The following CAST variants were observed in gnomAD, a reference collection of about 807,000 sequenced individuals.
CAST encodes MIR583 host.
Under a neutral mutation model 119.6 loss-of-function variants are expected in CAST, and 76 were observed. The observed-to-expected ratio is 0.64, with a 90% CI of 0.53 to 0.77. The LOEUF is 0.77. Ranked by LOEUF, CAST falls within the 30% of genes least tolerant of loss-of-function variation. The pLI, the probability that CAST is intolerant of heterozygous loss-of-function variation, is 0.00. For missense variants in CAST, 953 were observed against 946.5 expected, an observed-to-expected ratio of 1.01 and a Z score of -0.09; for synonymous variants, 319 against 331.6, an observed-to-expected ratio of 0.96 and a Z score of 0.41.
At chr5:96,352,509 G>T in the CAST span, among the ~76,000 whole-genome samples, 1 of 152,148 alleles carries the variant, frequency 6.6e-6, no homozygotes, top group Non-Finnish European at 1.5e-5. Flanking sequence ...TGGCATCCAT[G>T]ATTCAGTGTG....
intron 29 of CAST, chr5:96,768,336 T>C: frequency 2.3e-6 from 1 of 425,922 alleles, no homozygotes; most frequent in South Asian, 1.8e-5. Context: ...TGCCAACCTC[T>C]ACCTCCCAAA....
chr5:96,436,293 A>G, the CAST span, among the ~76,000 whole-genome samples: 1 of 152,226 alleles, frequency 6.6e-6, no homozygotes, highest in Non-Finnish European at 1.5e-5. Flanking sequence ...ACTGGAGGAA[A>G]TTTGAAGACA....
chr5:96,015,737 C>T, the CAST span, among the ~76,000 whole-genome samples: 1 of 152,152 alleles, frequency 6.6e-6, no homozygotes, highest in African/African-American at 2.4e-5. Context: ...ATTTAATCTT[C>T]ACAATAATCC....
chr5:96,489,135 C>T, the CAST span, among the ~76,000 whole-genome samples: 1 of 152,214 alleles, frequency 6.6e-6, no homozygotes, highest in Non-Finnish European at 1.5e-5. Context: ...AGCCATCCAG[C>T]TCTTTGGACA....
chr5:96,234,283 G>C, the CAST span, among the ~76,000 whole-genome samples: 3 of 152,166 alleles, frequency 2.0e-5, no homozygotes, highest in South Asian at 6.2e-4. Flanking sequence ...AGCCTGCTGG[G>C]GCTGGAAGGA....
chr5:96,065,676 G>T, the CAST span, among the ~76,000 whole-genome samples: 1 of 152,086 alleles, frequency 6.6e-6, no homozygotes, highest in African/African-American at 2.4e-5. Flanking sequence ...TATACAAAGT[G>T]GGTTGTCCTC....
At chr5:96,109,641 A>C in the CAST span, among the ~76,000 whole-genome samples, 3 of 152,194 alleles carry the variant, frequency 2.0e-5, no homozygotes, top group Non-Finnish European at 2.9e-5. Flanking sequence ...TGAAGAGTCA[A>C]GAGAGGTGGG....
chr5:96,730,818 T>A lies in CAST; in HGVS notation c.588T>A (p.Ser196Arg), dbSNP rs1396464328. Residue 196 changes from serine to arginine, a missense_variant, in exon 9 of 32, where the codon AGT (serine) becomes AGA (arginine). Transcript: ENST00000675179. ...PQDMISAGGE[S>R]VAGITAISGK... ...ACATGATTTCTGCTGGTGGAGAGAG[T>A]GTTGCTGGTATCACTGCAATATCTG... is the stretch of plus-strand genomic sequence containing the variant. 2 of 1,613,964 alleles carry A rather than the reference T, an allele frequency of 1.2e-6. No homozygotes were observed. The highest frequency in any genetic ancestry group is 3.3e-5 in the Admixed American group (2 of 59,996).
At chr5:96,365,673 C>A in the CAST span, among the ~76,000 whole-genome samples, 1 of 152,086 alleles carries the variant, frequency 6.6e-6, no homozygotes, top group Non-Finnish European at 1.5e-5. Flanking sequence ...TTTCCATTTG[C>A]TTGGAAGATC....
At chr5:96,534,743 A>AAG (rs770870121) in intron 1 of CAST, among the ~76,000 whole-genome samples, 3,967 of 56,458 alleles carry the variant, frequency 0.07, 487 homozygotes, top group East Asian at 0.16. Flanking sequence ...GAGAGAGAGA[A>AAG]AGAAAGAAAG....
intron 16 of CAST, among the ~76,000 whole-genome samples, chr5:96,742,986 G>A (rs1763009471): frequency 2.0e-5 from 3 of 152,220 alleles, no homozygotes; most frequent in South Asian, 2.1e-4. Flanking sequence ...AATCTCCCTT[G>A]CTAGAGCTTA....
chr5:96,158,888 C>G, the CAST span, among the ~76,000 whole-genome samples: 1 of 152,230 alleles, frequency 6.6e-6, no homozygotes, highest in African/African-American at 2.4e-5. Context: ...TTCTTTTATG[C>G]CACAGTTTGT....
chr5:96,272,100 AG>A, the CAST span, among the ~76,000 whole-genome samples: 1 of 152,148 alleles, frequency 6.6e-6, no homozygotes, highest in African/African-American at 2.4e-5. Flanking sequence ...TTCATAAAAA[AG>A]GGGGATAACG....
chr5:96,513,127 T>C, the CAST span, among the ~76,000 whole-genome samples: 1 of 152,154 alleles, frequency 6.6e-6, no homozygotes, highest in Non-Finnish European at 1.5e-5. Context: ...CGGCTGCTAA[T>C]TGGTTGTATG....
chr5:96,599,711 A>G (rs1355281340), intron 1 of CAST, among the ~76,000 whole-genome samples: 8 of 152,038 alleles, frequency 5.3e-5, no homozygotes, highest in Non-Finnish European at 8.8e-5. Context: ...TAGGCGCCCC[A>G]CTACCAACTC....
chr5:96,469,900 A>C, the CAST span, among the ~76,000 whole-genome samples: 1 of 138,072 alleles, frequency 7.2e-6, no homozygotes, highest in Admixed American at 7.3e-5. Flanking sequence ...ACACACACAT[A>C]TATATAATGT....
the CAST span, among the ~76,000 whole-genome samples, chr5:96,451,051 C>T: frequency 6.6e-6 from 1 of 152,280 alleles, no homozygotes; most frequent in Non-Finnish European, 1.5e-5. Context: ...CAAGATCTGA[C>T]CTATGCCCTC....
chr5:96,322,760 A>T, the CAST span, among the ~76,000 whole-genome samples: 1 of 152,116 alleles, frequency 6.6e-6, no homozygotes, highest in African/African-American at 2.4e-5. Context: ...ATATCTTTAT[A>T]TTCAAGTTCT....
At chr5:96,665,328 A>G (rs1437127183) in intron 1 of CAST, among the ~76,000 whole-genome samples, 1 of 152,224 alleles carries the variant, frequency 6.6e-6, no homozygotes, top group Non-Finnish European at 1.5e-5. Context: ...CCCACATATT[A>G]TTATTTCATC....
Sources: gnomAD v4.1 joint callset for allele counts (sites outside exome capture counted in the v4.1 genomes callset) on GRCh38, gnomAD v4.1.1 for gene constraint, MANE v1.5 for transcripts, NCBI Gene and HGNC (gene_info 2026-07-23, HGNC 2026-07-21) for gene names.